MYO5B: variants seen among roughly 807,000 people sequenced by gnomAD.
MYO5B encodes the protein unconventional myosin-Vb.
A neutral mutation model predicts 229.3 loss-of-function variants in MYO5B; 143 were observed. The observed-to-expected ratio is 0.62, with a 90% confidence interval of 0.54 to 0.72. MYO5B has a LOEUF of 0.72. Among genes scored for constraint, MYO5B ranks in the 30% least tolerant of loss-of-function variants. The probability of loss-of-function intolerance (pLI) is 0.00; values close to 1 mark genes in which losing one functional copy is unlikely to be tolerated. For missense variants in MYO5B, 2,321 were observed against 2,331.0 expected, an observed-to-expected ratio of 1.00 and a Z score of 0.09; for synonymous variants, 918 against 885.2, an observed-to-expected ratio of 1.04 and a Z score of -0.66.
rs2144150669 is a variant in MYO5B, at chr18:49,906,520, G to C, written c.2313C>G (p.Ile771Met). Residue 771 changes from isoleucine to methionine, a missense_variant, in exon 19 of 40, where the codon ATC becomes ATG. Ile to Met is a conservative substitution (Grantham distance 10, BLOSUM62 1). Around this residue, in one of 2 missense-constraint regions of MYO5B, gnomAD observed 2,113 missense variants for 2,044.7 expected, o/e 1.03. Transcript: ENST00000285039. ...ADKFRTATIM[I>M]QKTVRGWLQK... Reference sequence around the variant, plus strand: ...GCAGCCATCCCCGGACAGTTTTCTGGATCATGATGGTGGCTGTCCGGAACT... The same window carrying C: ...GCAGCCATCCCCGGACAGTTTTCTGCATCATGATGGTGGCTGTCCGGAACT... The C allele has an allele frequency of 1.2e-6, 2 of 1,614,172 alleles. No homozygotes were observed. Among genetic ancestry groups the C allele is most frequent in the South Asian group, 2.2e-5 (2 of 91,072 alleles).
intron 22 of MYO5B, among the ~76,000 whole-genome samples, chr18:49,891,455 G>A (rs1339363178): frequency 1.3e-5 from 2 of 152,092 alleles, no homozygotes; most frequent in East Asian, 1.9e-4. Context: ...GAACGAGAAG[G>A]GTTTTTTCAA....
intron 1 of MYO5B, among the ~76,000 whole-genome samples, chr18:50,058,968 G>C (rs1339542485): frequency 3.3e-5 from 5 of 152,092 alleles, no homozygotes; most frequent in Non-Finnish European, 7.4e-5. Flanking sequence ...TCTCCTCACT[G>C]ATCACTTCCT....
At chr18:49,869,892 G>A (rs540989393) in intron 27 of MYO5B, among the ~76,000 whole-genome samples, 35 of 152,122 alleles carry the variant, frequency 2.3e-4, no homozygotes, top group Non-Finnish European at 3.4e-4. Context: ...ATCTACTGCT[G>A]GGGAGCTACT....
intron 22 of MYO5B, among the ~76,000 whole-genome samples, chr18:49,893,313 G>T (rs1232811363): frequency 6.6e-6 from 1 of 152,208 alleles, no homozygotes; most frequent in African/African-American, 2.4e-5. Flanking sequence ...AGGGTCACTA[G>T]TCTCAGGAGT....
chr18:50,039,425 C>T (rs962383585), intron 3 of MYO5B, among the ~76,000 whole-genome samples: 3 of 151,960 alleles, frequency 2.0e-5, no homozygotes, highest in Admixed American at 6.6e-5. Context: ...TCCGACTCCC[C>T]GGTTCAAGCG....
At chr18:49,892,078 C>G (rs575231449) in intron 22 of MYO5B, among the ~76,000 whole-genome samples, 1 of 152,170 alleles carries the variant, frequency 6.6e-6, no homozygotes, top group Non-Finnish European at 1.5e-5. Context: ...GTGCCTAGGG[C>G]AGCCCTGGGG....
At chr18:49,929,476 C>A in intron 17 of MYO5B, 36 bp downstream of exon 17, 3 of 1,559,778 alleles carry the variant, frequency 1.9e-6, no homozygotes. Flanking sequence ...TGCTCTAGGG[C>A]AGCCCCAGGA....
At chr18:49,841,246 G>T in intron 35 of MYO5B, 119 bp downstream of exon 35, 1 of 926,414 alleles carries the variant, frequency 1.1e-6, no homozygotes, top group Non-Finnish European at 1.8e-6. Context: ...TGTGCCCACG[G>T]TCTGAGGTCC....
intron 21 of MYO5B, among the ~76,000 whole-genome samples, chr18:49,898,750 T>C (rs183940567): frequency 2.3e-4 from 35 of 152,318 alleles, no homozygotes; most frequent in African/African-American, 5.8e-4. Context: ...ACTGTTTGCA[T>C]AGAAACTTGG....
chr18:49,843,057 A>G (rs2024079252), intron 34 of MYO5B, among the ~76,000 whole-genome samples, 184 bp downstream of exon 34: 1 of 152,224 alleles, frequency 6.6e-6, no homozygotes, highest in African/African-American at 2.4e-5. Flanking sequence ...GCTGGGCCTG[A>G]GCATCCTTCT....
Position 49,875,761 on chromosome 18 carries a change from C to T in MYO5B, c.3463G>A (p.Glu1155Lys). 1 of 1,614,216 alleles carries T rather than the reference C, an allele frequency of 6.2e-7. No homozygotes were observed. Among genetic ancestry groups the T allele is most frequent in the Non-Finnish European group, 8.5e-7 (1 of 1,180,038 alleles). The change falls in exon 26 of 40, where the codon GAG (glutamate) becomes AAG (lysine). Residue 1155 changes from glutamate (E) to lysine (K), a missense_variant. This residue lies in a region of MYO5B where 2,113 missense variants were observed against 2,044.7 expected (regional missense o/e 1.03). Transcript: ENST00000285039. ...AGCTTTTTCCTCTCCTGCTCCAGCT[C>T]CCGTACTCTCTTCTGCAGCTTCAGG... ...VFLKLQKRVR[E>K]LEQERKKLQV...
intron 22 of MYO5B, among the ~76,000 whole-genome samples, chr18:49,892,888 A>T (rs1447039717): frequency 1.3e-5 from 2 of 152,108 alleles, no homozygotes; most frequent in Admixed American, 1.3e-4. Context: ...CTTTTGCACT[A>T]CTCTGCTCCT....
chr18:49,904,593 G>T (rs1006520116), intron 20 of MYO5B, 79 bp downstream of exon 20: 13 of 1,576,496 alleles, frequency 8.2e-6, no homozygotes, highest in Non-Finnish European at 1.1e-5. Flanking sequence ...CTTGACAGAG[G>T]TTCACGTTGG....
At chr18:49,917,863 G>C (rs76217356) in intron 17 of MYO5B, among the ~76,000 whole-genome samples, 1 of 152,172 alleles carries the variant, frequency 6.6e-6, no homozygotes, top group African/African-American at 2.4e-5. Flanking sequence ...AGCTTGCTGG[G>C]GAGCAGGCGC....
At chr18:49,942,675 A>G (rs2025330353) in intron 14 of MYO5B, among the ~76,000 whole-genome samples, 1 of 151,870 alleles carries the variant, frequency 6.6e-6, no homozygotes. Context: ...ATACCATCTC[A>G]CACCAGTTAG....
intron 1 of MYO5B, among the ~76,000 whole-genome samples, chr18:50,150,540 G>A (rs551703403): frequency 2.7e-5 from 4 of 150,756 alleles, no homozygotes; most frequent in Non-Finnish European, 1.5e-5. Flanking sequence ...GTAGGGACAT[G>A]GATGAAATTG....
In MYO5B at chr18:49,863,246, C is replaced by T. The variant is rs749567358; in HGVS notation, c.3925G>A (p.Gly1309Arg). The change falls in exon 29 of 40, where the codon GGG (glycine) becomes AGG (arginine). Residue 1309 changes from glycine (G) to arginine (R), a missense_variant. Coordinates refer to ENST00000285039, the MANE Select transcript of MYO5B (RefSeq NM_001080467.3). ...CCTTACCTGTTTGTCTGGCAGACCCCGTGATAGGCCTCAATGGCATCCTCC... is the reference window on the plus strand; with the variant it reads ...CCTTACCTGTTTGTCTGGCAGACCCTGTGATAGGCCTCAATGGCATCCTCC... ...DQEDAIEAYH[G>R]VCQTNSKTED... is the part of the protein sequence containing the mutation. 39 of 1,613,040 alleles carry T rather than the reference C, an allele frequency of 2.4e-5. No individual in the cohort carries two copies. Among genetic ancestry groups the T allele is most frequent in the Admixed American group, 1.0e-4 (6 of 60,004 alleles).
chr18:50,140,168 G>A (rs2032396573), intron 1 of MYO5B, among the ~76,000 whole-genome samples: 1 of 152,234 alleles, frequency 6.6e-6, no homozygotes, highest in Admixed American at 6.5e-5. Context: ...AAAAGATCCA[G>A]AAATCCTGTT....
At chr18:49,847,094 G>A in intron 33 of MYO5B, 52 bp downstream of exon 33, 1 of 1,610,790 alleles carries the variant, frequency 6.2e-7, no homozygotes, top group South Asian at 1.1e-5. Flanking sequence ...GGAGATGGGA[G>A]CGGGGGCTGA....
Sources: gnomAD v4.1 joint callset for allele counts (sites outside exome capture counted in the v4.1 genomes callset) on GRCh38, gnomAD v4.1.1 for gene constraint, gnomAD v4.1.1 regional missense constraint, MANE v1.5 for transcripts, NCBI Gene and HGNC (gene_info 2026-07-23, HGNC 2026-07-21) for gene names.